Variants in CELSR3 observed in about 807,000 individuals in gnomAD.
The protein encoded by CELSR3 is cadherin EGF LAG seven-pass G-type receptor 3.
CELSR3 carries 73 observed loss-of-function variants against 270.0 expected under a neutral mutation model. That is an observed-to-expected ratio of 0.27 (90% CI 0.22 to 0.33). The LOEUF is 0.33. Among genes scored for constraint, CELSR3 ranks in the 10% least tolerant of loss-of-function variants. CELSR3 has a pLI of 1.00. For synonymous variants in CELSR3, 1,780 were observed against 1,905.4 expected (o/e 0.93, Z 1.71); for missense variants, 3,614 against 4,533.8 (o/e 0.80, Z 5.83).
chr3:48,651,483 G>A lies in CELSR3; in HGVS notation c.6066-4C>T. Reference sequence around the variant, plus strand: ...CCGTGGGCACTGCTGGTCCATCCTGGGGGTGCAGAGCCAGGTAAGATGCCT... The same window carrying A: ...CCGTGGGCACTGCTGGTCCATCCTGAGGGTGCAGAGCCAGGTAAGATGCCT... On this transcript the variant is annotated splice_region_variant and splice_polypyrimidine_tract_variant and intron_variant, in intron 13 of 34. Coordinates refer to ENST00000164024, the MANE Select transcript of CELSR3 (RefSeq NM_001407.3). This position sits in a 1 kb window ranked among gnomAD's most constrained non-coding sequence, Gnocchi z 7.4. 6.2e-7 allele frequency: 1 copy of A among 1,613,676 alleles called. No homozygotes were observed. Among genetic ancestry groups the A allele is most frequent in the South Asian group, 1.1e-5 (1 of 91,086 alleles).
Position 48,653,287 on chromosome 3 carries a change from G to T in CELSR3, c.5449-100C>A. On this transcript the variant is annotated intron_variant, in intron 9 of 34. Transcript: ENST00000164024. The surrounding 1 kb of genome is among the most constrained non-coding windows in gnomAD (Gnocchi z 6.5). ...CAGAGGTCAGGAATATCAGAGGTCA[G>T]AACAGTGGGGTCAAGGTTATACCTG... 9.2e-7 allele frequency: 1 copy of T among 1,090,162 alleles called. No homozygotes were observed. Among genetic ancestry groups the T allele is most frequent in the Non-Finnish European group, 1.3e-6 (1 of 747,074 alleles). The allele number at this position is 1,090,162 out of a possible 1,614,324, so 67.5% of individuals were successfully genotyped here. A position where few individuals can be genotyped will look rare whatever the true frequency, so the allele number is the denominator to read the frequency against.
chr3:48,661,437 A>G lies in CELSR3; in HGVS notation c.1198T>C (p.Tyr400His). ...ALDRESMERH[Y>H]LRVTAQDHGS... ...TGGTCCTGCGCGGTCACACGCAGGT[A>G]GTGACGCTCCATGCTCTCGCGGTCC... Residue 400 changes from tyrosine (Y) to histidine (H), a missense_variant, in exon 1 of 35, where the codon TAC becomes CAC. By Grantham distance (83) the Tyr-to-His change is moderately conservative. Around this residue, in one of 7 missense-constraint regions of CELSR3, gnomAD observed 354 missense variants for 500.9 expected, o/e 0.71. Transcript: ENST00000164024. 1 of 1,611,234 alleles carries G rather than the reference A, an allele frequency of 6.2e-7. No individual in the cohort carries two copies. Among genetic ancestry groups the G allele is most frequent in the South Asian group, 1.1e-5 (1 of 91,000 alleles).
At position 48,645,819 on chromosome 3, in the gene CELSR3, T is replaced by G. The variant is rs770870398; in HGVS notation, c.7513A>C (p.Arg2505=). ...WTARDCELVH[R]NGSHARCRCS... is the part of the protein sequence containing the mutation. Reference sequence around the variant, plus strand: ...CGACACCGTGCGTGGGACCCATTCCTGTGCACCAGCTCGCAGTCCCGTGCT... The same window carrying G: ...CGACACCGTGCGTGGGACCCATTCCGGTGCACCAGCTCGCAGTCCCGTGCT... Residue 2505 remains arginine (R), a synonymous_variant, in exon 23 of 35, where the codon AGG becomes CGG. Transcript: ENST00000164024. This position sits in a 1 kb window ranked among gnomAD's most constrained non-coding sequence, Gnocchi z 5.4. 5 of 1,611,258 alleles carry G rather than the reference T, an allele frequency of 3.1e-6. No homozygotes were observed. The African/African-American group carries it at 6.7e-5, about 22-fold the overall frequency.
chr3:48,649,770 T>A (rs779999340), intron 16 of CELSR3, among the ~76,000 whole-genome samples: 4 of 152,138 alleles, frequency 2.6e-5, no homozygotes, highest in Admixed American at 6.6e-5. Flanking sequence ...TAAAAAAGTT[T>A]GTAGCTACCA....
chr3:48,661,805 C>A lies in CELSR3; in HGVS notation c.830G>T (p.Arg277Leu). Residue 277 changes from arginine to leucine, a missense_variant, in exon 1 of 35, where the codon CGC (arginine) becomes CTC (leucine). Transcript: ENST00000164024. ...TAPEPAPKRMRSRGLFRCRFL... is the reference protein window; with the variant it reads ...TAPEPAPKRMLSRGLFRCRFL... ...GCGGCAGCGGAAGAGACCCCGGGAG[C>A]GCATGCGCTTGGGCGCCGGCTCGGG... 1 of 1,608,652 alleles carries A rather than the reference C, an allele frequency of 6.2e-7. No homozygotes were observed. The highest frequency in any genetic ancestry group is 1.7e-5 in the Admixed American group (1 of 59,780).
In CELSR3 at chr3:48,645,607, C is replaced by T. The variant is rs756781285; in HGVS notation, c.7633G>A (p.Val2545Met). ...GCAGCCACAGACACAGCCACGACCA[C>T]GTGGGTGAACACAGCCAGCAGCTCC... ...DLELLAVFTH[V>M]VVAVSVAALV... The change falls in exon 24 of 35, where the codon GTG becomes ATG. Residue 2545 changes from valine (V) to methionine (M), a missense_variant. Around this residue, in one of 7 missense-constraint regions of CELSR3, gnomAD observed 1,240 missense variants for 1,351.7 expected, o/e 0.92. Transcript: ENST00000164024. This position sits in a 1 kb window ranked among gnomAD's most constrained non-coding sequence, Gnocchi z 5.4. 6 of 1,612,010 alleles carry T rather than the reference C, an allele frequency of 3.7e-6. No homozygotes were observed. Among genetic ancestry groups the T allele is most frequent in the Middle Eastern group, 1.7e-4 (1 of 6,060 alleles).
At chr3:48,643,734 T>C in intron 27 of CELSR3, 57 bp from the exon 28 acceptor site, 1 of 1,537,608 alleles carries the variant, frequency 6.5e-7, no homozygotes, top group South Asian at 1.2e-5. Flanking sequence ...GTAGGACTCA[T>C]GCAGGGAACA....
intron 16 of CELSR3, 106 bp from the exon 17 acceptor site, chr3:48,649,321 A>T: frequency 1.1e-6 from 1 of 948,252 alleles, no homozygotes; most frequent in Non-Finnish European, 1.6e-6. Context: ...GGCAGAAGTC[A>T]GAGTCATGAG....
chr3:48,646,044 CCCAAGGGCTAACGGGA>C lies in CELSR3; in HGVS notation c.7463+30_7463+45del. Reference sequence around the variant, plus strand: ...GAAGGCTGGGACTATTAGTTGGCCTCCCAAGGGCTAACGGGACCAAGGGTTTCCAGAATGGGGGTCC... The same window carrying C: ...GAAGGCTGGGACTATTAGTTGGCCTCCCAAGGGTTTCCAGAATGGGGGTCC... On this transcript the variant is annotated intron_variant, in intron 22 of 34. Coordinates refer to ENST00000164024, the MANE Select transcript of CELSR3 (RefSeq NM_001407.3). The surrounding 1 kb of genome is among the most constrained non-coding windows in gnomAD (Gnocchi z 4.8). The C allele has an allele frequency of 1.2e-6, 2 of 1,605,060 alleles. No homozygotes were observed. The highest frequency in any genetic ancestry group is 1.7e-6 in the Non-Finnish European group (2 of 1,174,928).
rs564269416 is a variant in CELSR3, at chr3:48,654,724, G to C, written c.4989-272C>G. The stretch of plus-strand genomic sequence containing the variant: ...TCTGGCTGGCTGGGGAGGGGATGGA[G>C]ACGTGAAGACTCTGGGGGACTGGAC... On this transcript the variant is annotated intron_variant, in intron 6 of 34. Coordinates refer to ENST00000164024, the MANE Select transcript of CELSR3 (RefSeq NM_001407.3). The surrounding 1 kb of genome is among the most constrained non-coding windows in gnomAD (Gnocchi z 5.4). Among the ~76,000 whole-genome samples the C allele has an allele frequency of 2.6e-5, 4 of 152,120 alleles. No homozygotes were observed. The East Asian group carries it at 5.8e-4, about 22-fold the overall frequency.
At position 48,661,567 on chromosome 3, in the gene CELSR3, C is replaced by T. The variant is rs1443317546; in HGVS notation, c.1068G>A (p.Glu356=). The change falls in exon 1 of 35, where the codon GAG becomes GAA. Residue 356 remains glutamate (E), a synonymous_variant. Coordinates refer to ENST00000164024, the MANE Select transcript of CELSR3 (RefSeq NM_001407.3). Reference sequence around the variant, plus strand: ...CCAGCGAGTAGACTAGGCGCCCGGCCTCGCCGGCGTCCGGGTCCTGAGCAA... The same window carrying T: ...CCAGCGAGTAGACTAGGCGCCCGGCTTCGCCGGCGTCCGGGTCCTGAGCAA... ...RVVAQDPDAG[E]AGRLVYSLAA... 1 of 1,608,726 alleles carries T rather than the reference C, an allele frequency of 6.2e-7. No individual in the cohort carries two copies. Among genetic ancestry groups the T allele is most frequent in the Admixed American group, 1.7e-5 (1 of 59,600 alleles).
Position 48,656,208 on chromosome 3 carries a change from G to T in CELSR3, c.4557C>A (p.Ser1519=). 6.5e-7 allele frequency: 1 copy of T among 1,537,114 alleles called. No homozygotes were observed. Among genetic ancestry groups the T allele is most frequent in the Non-Finnish European group, 8.7e-7 (1 of 1,147,608 alleles). ...EGPRCEVAAR[S]FPPSSFVMFR... ...ACATGACGAACGAACTGGGCGGGAA[G>T]GAGCGCGCAGCCACCTCGCAGCGCG... Residue 1519 remains serine, a synonymous_variant, in exon 3 of 35, where the codon TCC becomes TCA. Coordinates refer to ENST00000164024, the MANE Select transcript of CELSR3 (RefSeq NM_001407.3).
rs375808924 is a variant in CELSR3, at chr3:48,646,813, G to A, written c.7245C>T (p.Thr2415=). 30 of 1,608,074 alleles carry A rather than the reference G, an allele frequency of 1.9e-5. No homozygotes were observed. The highest frequency in any genetic ancestry group is 2.5e-5 in the Non-Finnish European group (30 of 1,178,122). Residue 2415 remains threonine (T), a synonymous_variant, in exon 21 of 35, where the codon ACC becomes ACT. Transcript: ENST00000164024. The surrounding 1 kb of genome is among the most constrained non-coding windows in gnomAD (Gnocchi z 4.8). ...ISIIILLVYR[T]LGGLLPAQFQ... Reference sequence around the variant, plus strand: ...ACTGGGCAGGGAGCAGTCCCCCTAAGGTGCGGTAAACGAGGAGAATGATAA... The same window carrying A: ...ACTGGGCAGGGAGCAGTCCCCCTAAAGTGCGGTAAACGAGGAGAATGATAA...
chr3:48,652,880 G>A lies in CELSR3; in HGVS notation c.5634+122C>T. On this transcript the variant is annotated intron_variant, in intron 10 of 34. Transcript: ENST00000164024. The surrounding 1 kb of genome is among the most constrained non-coding windows in gnomAD (Gnocchi z 4.3). ...CAAGGATATATGGTGGGGAACTAGG[G>A]GTAGAACATCAGACTCAGTGCAGTG... 4 of 860,622 alleles carry A rather than the reference G, an allele frequency of 4.6e-6. No homozygotes were observed. Among genetic ancestry groups the A allele is most frequent in the African/African-American group, 1.7e-5 (1 of 59,756 alleles). 53.3% of individuals were successfully genotyped at this position (860,622 alleles called of 1,614,324 possible).
chr3:48,662,578 G>A lies in CELSR3; in HGVS notation c.57C>T (p.Leu19=). The A allele has an allele frequency of 6.5e-7, 1 of 1,536,314 alleles. No individual in the cohort carries two copies. The highest frequency in any genetic ancestry group is 8.8e-7 in the Non-Finnish European group (1 of 1,140,142). Residue 19 remains leucine, a synonymous_variant, in exon 1 of 35, where the codon CTC becomes CTT. Coordinates refer to ENST00000164024, the MANE Select transcript of CELSR3 (RefSeq NM_001407.3). This position sits in a 1 kb window ranked among gnomAD's most constrained non-coding sequence, Gnocchi z 7.1. ...GGAACAAAGAGAGGAGAAGGAGCAG[G>A]AGTATGGGGGTCGACCGTCCCCCGA... ...RGLGGRSTPI[L]LLLLLSLFPL... is the part of the protein sequence containing the mutation.
In CELSR3 at chr3:48,645,191, C is replaced by T; in HGVS notation, c.7816G>A (p.Ala2606Thr). Reference sequence around the variant, plus strand: ...AGGAAGAAGTAGTGCAGGAGGATGGCGACTGCAGTGCACACCAGCTGAGGG... The same window carrying T: ...AGGAAGAAGTAGTGCAGGAGGATGGTGACTGCAGTGCACACCAGCTGAGGG... ...THNQLVCTAV[A>T]ILLHYFFLST... Residue 2606 changes from alanine (A) to threonine (T), a missense_variant, in exon 25 of 35, where the codon GCC (alanine) becomes ACC (threonine). Physicochemically the swap from Ala to Thr is moderately conservative, Grantham distance 58. Transcript: ENST00000164024. This position sits in a 1 kb window ranked among gnomAD's most constrained non-coding sequence, Gnocchi z 5.4. 1 of 1,579,566 alleles carries T rather than the reference C, an allele frequency of 6.3e-7. No individual in the cohort carries two copies. The highest frequency in any genetic ancestry group is 8.6e-7 in the Non-Finnish European group (1 of 1,156,168).
In CELSR3 at chr3:48,657,145, C is replaced by A; in HGVS notation, c.3952G>T (p.Asp1318Tyr). The A allele has an allele frequency of 1.2e-6, 2 of 1,613,980 alleles. No homozygotes were observed. The highest frequency in any genetic ancestry group is 2.2e-5 in the East Asian group (1 of 44,868). The change falls in exon 2 of 35, where the codon GAC becomes TAC. Residue 1318 changes from aspartate (D) to tyrosine (Y), a missense_variant. This residue lies in a region of CELSR3 where 1,331 missense variants were observed against 1,933.7 expected (regional missense o/e 0.69). Transcript: ENST00000164024. This position sits in a 1 kb window ranked among gnomAD's most constrained non-coding sequence, Gnocchi z 5.4. The stretch of plus-strand genomic sequence containing the variant: ...AGCACGGTGCCCCCTACGTCTGTGT[C>A]GTTCTGGATGTTGAAGATGAAGACG... ...EDVFIFNIQN[D>Y]TDVGGTVLNV...
In CELSR3 at chr3:48,659,641, G is replaced by A. The variant is rs2077052072; in HGVS notation, c.2994C>T (p.Tyr998=). 1 of 1,614,240 alleles carries A rather than the reference G, an allele frequency of 6.2e-7. No homozygotes were observed. The highest frequency in any genetic ancestry group is 8.5e-7 in the Non-Finnish European group (1 of 1,180,044). Residue 998 remains tyrosine (Y), a synonymous_variant, in exon 1 of 35, where the codon TAC becomes TAT. Coordinates refer to ENST00000164024, the MANE Select transcript of CELSR3 (RefSeq NM_001407.3). This position sits in a 1 kb window ranked among gnomAD's most constrained non-coding sequence, Gnocchi z 8.1. ...RDAHANGRVQ[Y]TFQNGEDGDG... ...CCCCATCTTCACCATTCTGGAAAGT[G>A]TACTGGACCCGGCCATTGGCATGAG...
rs769856436 is a variant in CELSR3 at position 48,644,866 on chromosome 3, C to G, written c.7973-38G>C. The G allele has an allele frequency of 6.3e-7, 1 of 1,584,000 alleles. No homozygotes were observed. Among genetic ancestry groups the G allele is most frequent in the African/African-American group, 1.3e-5 (1 of 74,328 alleles). ...AAGGGTAGGACTGAGGGTGTGTGTT[C>G]CAGAGCTGCTGACCAGCCCATGTAT... On this transcript the variant is annotated intron_variant, in intron 25 of 34. Transcript: ENST00000164024. This position sits in a 1 kb window ranked among gnomAD's most constrained non-coding sequence, Gnocchi z 4.8.
Sources: gnomAD v4.1 joint callset for allele counts (sites outside exome capture counted in the v4.1 genomes callset) on GRCh38, gnomAD v4.1.1 for gene constraint, gnomAD v4.1.1 regional missense constraint, Gnocchi (gnomAD v3.1) non-coding constraint, MANE v1.5 for transcripts, NCBI Gene and HGNC (gene_info 2026-07-23, HGNC 2026-07-21) for gene names.